The following SBNO2 variants were observed in gnomAD, a reference collection of about 807,000 sequenced individuals.
The protein encoded by SBNO2 is protein strawberry notch homolog 2.
SBNO2 carries 89 observed loss-of-function variants against 146.3 expected under a neutral mutation model. That is an observed-to-expected ratio of 0.61 (90% CI 0.51 to 0.73). SBNO2 has a LOEUF of 0.73. SBNO2 is among the 30% of genes least tolerant of loss of function. SBNO2 has a pLI of 0.00. For missense variants in SBNO2, 2,092 were observed against 2,003.7 expected, an observed-to-expected ratio of 1.04 and a Z score of -0.84; for synonymous variants, 1,147 against 892.6, an observed-to-expected ratio of 1.29 and a Z score of -5.08.
Position 1,111,102 on chromosome 19 carries a change from A to T in SBNO2, c.2810-9T>A. On this transcript the variant is annotated splice_polypyrimidine_tract_variant and intron_variant, in intron 24 of 31. Transcript: ENST00000361757. ...CAGGCCCTGCTTCATGTCTGCGGGG[A>T]GAGGGGCCTCACATGCTGGTCTTCC... The T allele has an allele frequency of 6.5e-7, 1 of 1,545,188 alleles. No individual in the cohort carries two copies. The highest frequency in any genetic ancestry group is 8.7e-7 in the Non-Finnish European group (1 of 1,147,170).
rs2079732898 is a variant in SBNO2, at chr19:1,109,792, G to A, written c.3029-15C>T. On this transcript the variant is annotated splice_polypyrimidine_tract_variant and intron_variant, in intron 26 of 31. Transcript: ENST00000361757. This position sits in a 1 kb window ranked among gnomAD's most constrained non-coding sequence, Gnocchi z 4.2. ...GGGAGCAAGGTCTAGGGGGGCGGGT[G>A]GAGGGTAAGTGGTGTCCAGGCCTGG... The A allele has an allele frequency of 6.4e-7, 1 of 1,559,220 alleles. No individual in the cohort carries two copies. The highest frequency in any genetic ancestry group is 8.7e-7 in the Non-Finnish European group (1 of 1,144,510).
At chr19:1,123,767 T>A in intron 6 of SBNO2, 128 bp from the exon 7 acceptor site, 1 of 1,098,148 alleles carries the variant, frequency 9.1e-7, no homozygotes, top group Non-Finnish European at 1.3e-6. Flanking sequence ...GACGGCTCTG[T>A]CTGCCCCTGC....
Position 1,109,143 on chromosome 19 carries a change from G to A in SBNO2, c.3417C>T (p.His1139=), listed in dbSNP as rs748972227. ...CCCCGGCCCGCCCTCACCAGGCGCTGTGGCTGCAGTGCGTCAGCGACAAAG... is the reference window on the plus strand; with the variant it reads ...CCCCGGCCCGCCCTCACCAGGCGCTATGGCTGCAGTGCGTCAGCGACAAAG... ...GYALSLTHCS[H]SAWNRHCRLA... Residue 1139 remains histidine, a synonymous_variant, in exon 30 of 32, where the codon CAC becomes CAT. Coordinates refer to ENST00000361757, the MANE Select transcript of SBNO2 (RefSeq NM_014963.3). The surrounding 1 kb of genome is among the most constrained non-coding windows in gnomAD (Gnocchi z 4.2). 18 of 1,553,186 alleles carry A rather than the reference G, an allele frequency of 1.2e-5. No homozygotes were observed. Among genetic ancestry groups the A allele is most frequent in the Non-Finnish European group, 1.5e-5 (17 of 1,148,940 alleles).
chr19:1,165,705 A>AT (rs1265088181), intron 1 of SBNO2, among the ~76,000 whole-genome samples: 18 of 144,428 alleles, frequency 1.2e-4, no homozygotes, highest in African/African-American at 4.8e-4. Flanking sequence ...CAGACCCCAG[A>AT]CCCCAGATCT....
At chr19:1,170,550 T>C (rs2080467570) in intron 1 of SBNO2, among the ~76,000 whole-genome samples, 1 of 152,142 alleles carries the variant, frequency 6.6e-6, no homozygotes, top group Non-Finnish European at 1.5e-5. Context: ...GTGTGCTGTC[T>C]GACCACACAG....
rs1294972574 is a variant in SBNO2, at chr19:1,164,426, G to C, written c.-127+9746C>G. Among the ~76,000 whole-genome samples, 62 of 145,638 alleles carry C rather than the reference G, an allele frequency of 4.3e-4. 5 individuals carry two copies. In the East Asian group the frequency reaches 0.011, roughly 25 times the overall value. Reference sequence around the variant, plus strand: ...GGAGGAGGAGGAGGAGGAACAGGAGGAGGAGGAGGAGGAGGAGGAGGAGAA... The same window carrying C: ...GGAGGAGGAGGAGGAGGAACAGGAGCAGGAGGAGGAGGAGGAGGAGGAGAA... On this transcript the variant is annotated intron_variant, in intron 1 of 31. Transcript: ENST00000361757.
At position 1,144,978 on chromosome 19, in the gene SBNO2, TGA is replaced by T. The variant is rs1054738404; in HGVS notation, c.279+2329_279+2330del. ...CAAAGAGGGAGACAGAGACAGAGAC[TGA>T]GAGGGAGACAGAGAGATGGAGCATA... On this transcript the variant is annotated intron_variant, in intron 4 of 31. Coordinates refer to ENST00000361757, the MANE Select transcript of SBNO2 (RefSeq NM_014963.3). This position sits in a 1 kb window ranked among gnomAD's most constrained non-coding sequence, Gnocchi z 4.1. Among the ~76,000 whole-genome samples, 16 of 120,742 alleles carry T rather than the reference TGA, an allele frequency of 1.3e-4. No individual in the cohort carries two copies. Among genetic ancestry groups the T allele is most frequent in the African/African-American group, 5.3e-4 (16 of 30,012 alleles). 79.2% of individuals were successfully genotyped at this position (120,742 alleles called of 152,430 possible).
rs756728469 is a variant in SBNO2 at position 1,113,556 on chromosome 19, G to A, written c.2226C>T (p.Gly742=). Residue 742 remains glycine, a synonymous_variant, in exon 19 of 32, where the codon GGC becomes GGT. Transcript: ENST00000361757. ...CCACCTCCGCCACCCGCTGGGGGCC[G>A]CCCAGCTGGTCGATGAGCTCGTCCA... The part of the protein sequence containing the change: ...NTLDELIDQL[G]GPQRVAEMTG... 248 of 1,597,584 alleles carry A rather than the reference G, an allele frequency of 1.6e-4. No individual in the cohort carries two copies. The Middle Eastern group carries it at 3.9e-3, about 25-fold the overall frequency.
chr19:1,126,074 G>T lies in SBNO2; in HGVS notation c.441+1530C>A, dbSNP rs1189682213. Among the ~76,000 whole-genome samples, 1 of 152,210 alleles carries T rather than the reference G, an allele frequency of 6.6e-6. No individual in the cohort carries two copies. Among genetic ancestry groups the T allele is most frequent in the African/African-American group, 2.4e-5 (1 of 41,462 alleles). Reference sequence around the variant, plus strand: ...CTTGAACTCCAACGTCCTGAGACGGGTGAGGTTTCCGCCCAAGCCTGCCTG... The same window carrying T: ...CTTGAACTCCAACGTCCTGAGACGGTTGAGGTTTCCGCCCAAGCCTGCCTG... On this transcript the variant is annotated intron_variant, in intron 5 of 31. Coordinates refer to ENST00000361757, the MANE Select transcript of SBNO2 (RefSeq NM_014963.3). This position sits in a 1 kb window ranked among gnomAD's most constrained non-coding sequence, Gnocchi z 4.4.
chr19:1,119,625 T>C lies in SBNO2; in HGVS notation c.1268-4A>G, dbSNP rs752618414. On this transcript the variant is annotated splice_polypyrimidine_tract_variant and splice_region_variant and intron_variant, in intron 12 of 31. Coordinates refer to ENST00000361757, the MANE Select transcript of SBNO2 (RefSeq NM_014963.3). ...ATGTTCCGAGGCTCAGAGGCACCTG[T>C]GGGGGGAAGCTGCCGTCAGCTCCCC... 2 of 1,603,126 alleles carry C rather than the reference T, an allele frequency of 1.2e-6. No individual in the cohort carries two copies. Among genetic ancestry groups the C allele is most frequent in the South Asian group, 2.2e-5 (2 of 89,474 alleles).
chr19:1,168,076 G>A (rs2080443120), intron 1 of SBNO2, among the ~76,000 whole-genome samples: 1 of 152,140 alleles, frequency 6.6e-6, no homozygotes, highest in African/African-American at 2.4e-5. Context: ...GCAGGAATGT[G>A]GCCAGGGTTT....
At chr19:1,143,428 C>A (rs541882124) in intron 4 of SBNO2, among the ~76,000 whole-genome samples, 5 of 152,300 alleles carry the variant, frequency 3.3e-5, no homozygotes, top group East Asian at 3.9e-4. Flanking sequence ...GCCGAGATTG[C>A]ACCGCTGCAC....
Position 1,113,697 on chromosome 19 carries a change from CA to C in SBNO2, c.2084del (p.Leu695ArgfsTer20). The C allele has an allele frequency of 6.4e-7, 1 of 1,573,940 alleles. No homozygotes were observed. Among genetic ancestry groups the C allele is most frequent in the Non-Finnish European group, 8.6e-7 (1 of 1,161,182 alleles). On this transcript the variant is annotated frameshift_variant, in exon 19 of 32. Coordinates refer to ENST00000361757, the MANE Select transcript of SBNO2 (RefSeq NM_014963.3). LOFTEE classifies it high-confidence loss of function. ...CATGCGGGTCTCTCTGCAGGAGGCA[CA>C]GGGGTCCTAGGGAGGAGGTGGAGGG... ...VGLPSDDRGP[L>X]CLLQRDPHGP...
At position 1,110,584 on chromosome 19, in the gene SBNO2, G is replaced by T. The variant is rs916129220; in HGVS notation, c.3028+161C>A. 10 of 798,938 alleles carry T rather than the reference G, an allele frequency of 1.3e-5. No individual in the cohort carries two copies. Among genetic ancestry groups the T allele is most frequent in the Non-Finnish European group, 1.8e-5 (10 of 561,294 alleles). The allele number at this position is 798,938 out of a possible 1,614,324, so 49.5% of individuals were successfully genotyped here. Reference sequence around the variant, plus strand: ...CACCTGGGATGCCCGGCGTTCCCACGAGCCCCTCGCCCACCCGGGATGCAC... The same window carrying T: ...CACCTGGGATGCCCGGCGTTCCCACTAGCCCCTCGCCCACCCGGGATGCAC... On this transcript the variant is annotated intron_variant, in intron 26 of 31. Coordinates refer to ENST00000361757, the MANE Select transcript of SBNO2 (RefSeq NM_014963.3). The surrounding 1 kb of genome is among the most constrained non-coding windows in gnomAD (Gnocchi z 4.9).
At chr19:1,132,147 C>CG (rs767060926) in intron 4 of SBNO2, 2 of 1,490,154 alleles carry the variant, frequency 1.3e-6, no homozygotes, top group Non-Finnish European at 1.8e-6. Flanking sequence ...TCCCGGCGCT[C>CG]GGGGGGCCAG....
Position 1,124,033 on chromosome 19 carries a change from A to G in SBNO2, c.442-11T>C. ...GCTGAGCTGGAACAGCTGGAAGGGG[A>G]GCAGGATGTCAGCCCGGGCCAGACG... On this transcript the variant is annotated splice_polypyrimidine_tract_variant and intron_variant, in intron 5 of 31. Transcript: ENST00000361757. The G allele has an allele frequency of 1.2e-6, 2 of 1,608,788 alleles. No individual in the cohort carries two copies. The highest frequency in any genetic ancestry group is 8.5e-7 in the Non-Finnish European group (1 of 1,178,160).
Position 1,112,758 on chromosome 19 carries a change from T to TGGGCCCCTC in SBNO2, c.2379+51_2379+59dup. The TGGGCCCCTC allele has an allele frequency of 6.6e-7, 1 of 1,510,210 alleles. No individual in the cohort carries two copies. Among genetic ancestry groups the TGGGCCCCTC allele is most frequent in the Non-Finnish European group, 8.9e-7 (1 of 1,126,380 alleles). 93.6% of individuals were successfully genotyped at this position (1,510,210 alleles called of 1,614,324 possible). On this transcript the variant is annotated intron_variant, in intron 20 of 31. Transcript: ENST00000361757. This position sits in a 1 kb window ranked among gnomAD's most constrained non-coding sequence, Gnocchi z 5.9. Reference sequence around the variant, plus strand: ...CGGGTCCACAGTCCCCGGGGACCCTTGGGCCCCTCTGTGCCTCTTGGGTCC... The same window carrying TGGGCCCCTC: ...CGGGTCCACAGTCCCCGGGGACCCTTGGGCCCCTCGGGCCCCTCTGTGCCTCTTGGGTCC...
At chr19:1,162,556 G>A (rs568717732) in intron 1 of SBNO2, among the ~76,000 whole-genome samples, 1 of 152,104 alleles carries the variant, frequency 6.6e-6, no homozygotes, top group East Asian at 1.9e-4. Context: ...GAGCCTGCCA[G>A]AGGCAGGAGG....
At chr19:1,162,025 T>C (rs1410647392) in intron 1 of SBNO2, among the ~76,000 whole-genome samples, 2 of 147,808 alleles carry the variant, frequency 1.4e-5, no homozygotes, top group African/African-American at 5.0e-5. Flanking sequence ...CGGCCACAGA[T>C]GGCGCCTGGG....
Sources: gnomAD v4.1 joint callset for allele counts (sites outside exome capture counted in the v4.1 genomes callset) on GRCh38, gnomAD v4.1.1 for gene constraint, Gnocchi (gnomAD v3.1) non-coding constraint, MANE v1.5 for transcripts, NCBI Gene and HGNC (gene_info 2026-07-23, HGNC 2026-07-21) for gene names.